Variants in NUP62CL observed in about 807,000 individuals in gnomAD.
NUP62CL encodes nucleoporin-62 C-terminal-like protein.
A neutral mutation model predicts 15.3 loss-of-function variants in NUP62CL; 13 were observed. The ratio of observed to expected loss-of-function variants is 0.85; its 90% confidence interval spans 0.55 to 1.35. The LOEUF is 1.35. NUP62CL is among the 40% of genes most tolerant of loss of function. The pLI, the probability that NUP62CL is intolerant of heterozygous loss-of-function variation, is 0.00. For synonymous variants in NUP62CL, 54 were observed against 49.2 expected (o/e 1.10, Z -0.41); for missense variants, 123 against 130.6 (o/e 0.94, Z 0.28).
At chrX:107,143,423 C>G (rs1925819067) in intron 8 of NUP62CL, among the ~76,000 whole-genome samples, 2 of 109,989 alleles carry the variant, frequency 1.8e-5, no homozygotes, top group African/African-American at 6.6e-5. Context: ...CTTTGTTGCC[C>G]AGGCTGGTTT....
At chrX:107,184,257 TCAAA>T (rs1376545048) in intron 2 of NUP62CL, among the ~76,000 whole-genome samples, 5 of 88,238 alleles carry the variant, frequency 5.7e-5, no homozygotes, top group South Asian at 5.4e-4. Context: ...TTAACACACT[TCAAA>T]CAAATGAAAA....
intron 8 of NUP62CL, chrX:107,132,145 G>T (rs142446617): frequency 1.6e-5 from 19 of 1,165,547 alleles, no homozygotes; most frequent in Non-Finnish European, 2.2e-5. Flanking sequence ...TCAAATGAAC[G>T]AGAGTTCAAA....
At chrX:107,162,671 A>G (rs1439802622) in intron 4 of NUP62CL, among the ~76,000 whole-genome samples, 1 of 112,188 alleles carries the variant, frequency 8.9e-6, no homozygotes, top group Non-Finnish European at 1.9e-5. Context: ...TCAATTCAAG[A>G]TAATTTGTTG....
intron 8 of NUP62CL, among the ~76,000 whole-genome samples, chrX:107,140,289 C>T (rs978239727): frequency 1.8e-5 from 2 of 111,422 alleles, no homozygotes; most frequent in African/African-American, 3.3e-5. Flanking sequence ...CAAATTCTAC[C>T]TTTTCTAGGA....
chrX:107,125,282 C>T (rs916784675), intron 8 of NUP62CL, among the ~76,000 whole-genome samples: 10 of 111,691 alleles, frequency 9.0e-5, no homozygotes, highest in African/African-American at 3.2e-4. Context: ...TATAATAATA[C>T]ATATAACATG....
chrX:107,130,782 G>A (rs1925496099), intron 8 of NUP62CL, among the ~76,000 whole-genome samples: 1 of 111,533 alleles, frequency 9.0e-6, no homozygotes, highest in African/African-American at 3.3e-5. Context: ...AGACTCAAAG[G>A]AAAATAAAAC....
At chrX:107,149,606 C>T (rs1377148472) in intron 7 of NUP62CL, among the ~76,000 whole-genome samples, 1 of 112,125 alleles carries the variant, frequency 8.9e-6, no homozygotes, top group Non-Finnish European at 1.9e-5. Context: ...ACTTTCTCAG[C>T]TATAACACAC....
intron 2 of NUP62CL, among the ~76,000 whole-genome samples, chrX:107,181,936 T>C (rs1028114661): frequency 1.8e-5 from 2 of 112,158 alleles, no homozygotes; most frequent in African/African-American, 6.5e-5. Flanking sequence ...TATTGATTTT[T>C]GTATTATTTA....
chrX:107,139,133 C>A (rs1419775413), intron 8 of NUP62CL, among the ~76,000 whole-genome samples: 2 of 109,764 alleles, frequency 1.8e-5, no homozygotes. Flanking sequence ...TTGTGGTTGC[C>A]AAGGAGTTAA....
At chrX:107,196,527 C>T (rs375673022) in intron 1 of NUP62CL, among the ~76,000 whole-genome samples, 5 of 112,137 alleles carry the variant, frequency 4.5e-5, no homozygotes, top group East Asian at 5.6e-4. Flanking sequence ...CTGCAACCTC[C>T]GCCTCCCAGG....
chrX:107,157,150 G>A (rs1380313664), intron 4 of NUP62CL, among the ~76,000 whole-genome samples: 1 of 110,510 alleles, frequency 9.0e-6, no homozygotes, highest in African/African-American at 3.3e-5. Flanking sequence ...ATCTACGTCT[G>A]ATTGGTGTAC....
At chrX:107,135,593 G>A in intron 8 of NUP62CL, among the ~76,000 whole-genome samples, 1 of 111,431 alleles carries the variant, frequency 9.0e-6, no homozygotes, top group Non-Finnish European at 1.9e-5. Context: ...TTTCAACACT[G>A]TTTCTCTGGA....
chrX:107,180,005 T>C (rs956099975), intron 2 of NUP62CL, among the ~76,000 whole-genome samples: 1 of 112,374 alleles, frequency 8.9e-6, no homozygotes, highest in Non-Finnish European at 1.9e-5. Context: ...TAATAGTCTA[T>C]GTCTTCATAT....
At chrX:107,166,294 T>C (rs1268565473) in intron 4 of NUP62CL, among the ~76,000 whole-genome samples, 1 of 111,678 alleles carries the variant, frequency 9.0e-6, no homozygotes, top group Non-Finnish European at 1.9e-5. Context: ...TGATGGCAAA[T>C]AAACATGTGA....
chrX:107,133,597 A>G (rs1925570276), intron 8 of NUP62CL, among the ~76,000 whole-genome samples: 1 of 111,943 alleles, frequency 8.9e-6, no homozygotes, highest in Non-Finnish European at 1.9e-5. Context: ...TTGGCCTCTC[A>G]ATGTGCTGGG....
intron 2 of NUP62CL, among the ~76,000 whole-genome samples, chrX:107,182,838 T>A (rs1004934315): frequency 3.6e-5 from 4 of 111,496 alleles, no homozygotes; most frequent in East Asian, 5.6e-4. Context: ...AATGTTGAGA[T>A]GGAAAGGCCT....
chrX:107,130,564 T>C (rs1386966536), intron 8 of NUP62CL, among the ~76,000 whole-genome samples: 1 of 111,405 alleles, frequency 9.0e-6, no homozygotes, highest in African/African-American at 3.3e-5. Context: ...GCCATGAAAC[T>C]GGAGAACCAA....
intron 2 of NUP62CL, among the ~76,000 whole-genome samples, chrX:107,179,706 A>G (rs1926870104): frequency 8.9e-6 from 1 of 112,039 alleles, no homozygotes; most frequent in African/African-American, 3.2e-5. Context: ...TCTTTTTTAT[A>G]TACTGGTTTC....
chrX:107,158,039 T>C (rs1266927290), intron 4 of NUP62CL, among the ~76,000 whole-genome samples: 2 of 86,085 alleles, frequency 2.3e-5, no homozygotes, highest in African/African-American at 9.0e-5. Flanking sequence ...AGAAGGCCAT[T>C]ACATAATGGT....
Sources: gnomAD v4.1 joint callset for allele counts (sites outside exome capture counted in the v4.1 genomes callset) on GRCh38, gnomAD v4.1.1 for gene constraint, MANE v1.5 for transcripts, NCBI Gene and HGNC (gene_info 2026-07-23, HGNC 2026-07-21) for gene names.